MAML2: variants seen among roughly 807,000 people sequenced by gnomAD.
MAML2 encodes the protein mastermind-like protein 2.
MAML2 carries 22 observed loss-of-function variants against 96.1 expected under a neutral mutation model. The ratio of observed to expected loss-of-function variants is 0.23; its 90% CI spans 0.16 to 0.33. The LOEUF (loss-of-function observed/expected upper bound fraction) is 0.33, where lower values mean the gene tolerates loss of function less well. Ranked by LOEUF, MAML2 falls within the 10% of genes least tolerant of loss-of-function variation. The pLI is 1.00. For synonymous variants in MAML2, 561 were observed against 521.3 expected, an observed-to-expected ratio of 1.08 and a Z score of -1.04; for missense variants, 1,367 against 1,392.4, an observed-to-expected ratio of 0.98 and a Z score of 0.29.
At chr11:96,277,935 C>G (rs1473387337) in intron 1 of MAML2, among the ~76,000 whole-genome samples, 1 of 144,212 alleles carries the variant, frequency 6.9e-6, no homozygotes, top group Non-Finnish European at 1.5e-5. Flanking sequence ...TTTTTTTTTC[C>G]ATTCTCCAGG....
At chr11:96,035,643 C>A (rs184882125) in intron 2 of MAML2, among the ~76,000 whole-genome samples, 2 of 152,310 alleles carry the variant, frequency 1.3e-5, no homozygotes, top group African/African-American at 4.8e-5. Context: ...AGGAAGGAAG[C>A]ACAGAGACAG....
At chr11:96,035,800 A>G (rs1858702341) in intron 2 of MAML2, among the ~76,000 whole-genome samples, 1 of 152,234 alleles carries the variant, frequency 6.6e-6, no homozygotes, top group African/African-American at 2.4e-5. Context: ...AGTGCCTCAC[A>G]CACAGAGAGA....
At chr11:96,299,847 G>A (rs921432919) in intron 1 of MAML2, among the ~76,000 whole-genome samples, 16 of 152,078 alleles carry the variant, frequency 1.1e-4, no homozygotes, top group African/African-American at 1.7e-4. Context: ...CTGACTACCC[G>A]TACTGAAATC....
intron 1 of MAML2, among the ~76,000 whole-genome samples, chr11:96,338,006 C>T (rs1257512059): frequency 3.4e-4 from 52 of 152,302 alleles, no homozygotes; most frequent in Non-Finnish European, 1.5e-4. Context: ...TACTTTCTTT[C>T]CTCCACATGA....
chr11:96,320,804 G>C (rs148573991), intron 1 of MAML2, among the ~76,000 whole-genome samples: 1 of 152,260 alleles, frequency 6.6e-6, no homozygotes, highest in East Asian at 1.9e-4. Context: ...TACTTGAAAT[G>C]GAGAGAAATG....
chr11:96,035,440 T>C (rs906431343), intron 2 of MAML2, among the ~76,000 whole-genome samples: 2 of 152,220 alleles, frequency 1.3e-5, no homozygotes, highest in Non-Finnish European at 2.9e-5. Context: ...TCTGAGGATG[T>C]GGATTCTACG....
At chr11:96,077,307 G>C (rs1037225648) in intron 2 of MAML2, among the ~76,000 whole-genome samples, 9 of 137,444 alleles carry the variant, frequency 6.5e-5, no homozygotes, top group Non-Finnish European at 1.4e-4. Flanking sequence ...TGCAACCTCT[G>C]CCTTCTGGGT....
intron 2 of MAML2, among the ~76,000 whole-genome samples, chr11:96,089,152 C>T (rs1859665790): frequency 6.6e-6 from 1 of 152,078 alleles, no homozygotes; most frequent in Non-Finnish European, 1.5e-5. Context: ...CTACCCATGA[C>T]TTTGGTCATC....
intron 2 of MAML2, among the ~76,000 whole-genome samples, chr11:96,037,050 C>T (rs1590974259): frequency 6.6e-6 from 1 of 152,170 alleles, no homozygotes; most frequent in Admixed American, 6.5e-5. Context: ...GCACTGCCGT[C>T]GGGAGCCAAC....
chr11:96,202,913 C>G (rs1453171504), intron 1 of MAML2, among the ~76,000 whole-genome samples: 2 of 152,178 alleles, frequency 1.3e-5, no homozygotes, highest in Non-Finnish European at 2.9e-5. Flanking sequence ...CAGGTATGAG[C>G]CATCACGTCT....
At chr11:96,058,011 A>G (rs1859096324) in intron 2 of MAML2, among the ~76,000 whole-genome samples, 1 of 152,234 alleles carries the variant, frequency 6.6e-6, no homozygotes, top group South Asian at 2.1e-4. Flanking sequence ...AGGACCAGGA[A>G]TCAGAAAATT....
rs115686220 is a variant in MAML2, at chr11:95,999,390, T to C, written c.2140-7667A>G. On this transcript the variant is annotated intron_variant, in intron 2 of 4. Coordinates refer to ENST00000524717, the MANE Select transcript of MAML2 (RefSeq NM_032427.4). Reference sequence around the variant, plus strand: ...ATTGTAAGGACTCTGTCAGGCAGGATTGATTTCAGCAAAAGGTAGAATGGG... The same window carrying C: ...ATTGTAAGGACTCTGTCAGGCAGGACTGATTTCAGCAAAAGGTAGAATGGG... Among the ~76,000 whole-genome samples, 538 of 152,264 alleles carry C rather than the reference T, an allele frequency of 3.5e-3. 6 individuals carry two copies. The highest frequency in any genetic ancestry group is 0.011 in the African/African-American group (469 of 41,558).
At chr11:96,201,070 T>C (rs557118407) in intron 1 of MAML2, among the ~76,000 whole-genome samples, 1 of 152,328 alleles carries the variant, frequency 6.6e-6, no homozygotes, top group African/African-American at 2.4e-5. Context: ...TCTCATTTAC[T>C]TAGGCCACGA....
intron 1 of MAML2, among the ~76,000 whole-genome samples, chr11:96,109,513 C>T (rs1860083737): frequency 6.6e-6 from 1 of 152,160 alleles, no homozygotes; most frequent in South Asian, 2.1e-4. Flanking sequence ...AAGGTGGTAG[C>T]AGCAGACATG....
At chr11:96,283,275 G>T (rs1423997066) in intron 1 of MAML2, among the ~76,000 whole-genome samples, 1 of 152,116 alleles carries the variant, frequency 6.6e-6, no homozygotes, top group East Asian at 1.9e-4. Flanking sequence ...AGTTCTCCTT[G>T]TCTATTTTAA....
chr11:96,126,212 G>C (rs7123145), intron 1 of MAML2, among the ~76,000 whole-genome samples: 66,431 of 151,970 alleles, frequency 0.44, 15,028 homozygotes, highest in Middle Eastern at 0.62. Context: ...AGAAGATAAA[G>C]TATAGAAACA....
At chr11:96,000,509 G>A (rs1450372850) in intron 2 of MAML2, among the ~76,000 whole-genome samples, 1 of 152,134 alleles carries the variant, frequency 6.6e-6, no homozygotes, top group Non-Finnish European at 1.5e-5. Context: ...GCTGTACTTG[G>A]CTGTATTGGA....
chr11:96,185,493 C>T (rs149925902), intron 1 of MAML2, among the ~76,000 whole-genome samples: 1 of 152,284 alleles, frequency 6.6e-6, no homozygotes, highest in African/African-American at 2.4e-5. Context: ...AACAACTGCT[C>T]TCAAGGAAAT....
intron 1 of MAML2, among the ~76,000 whole-genome samples, chr11:96,165,271 A>G (rs1255331137): frequency 6.6e-6 from 1 of 152,178 alleles, no homozygotes; most frequent in Non-Finnish European, 1.5e-5. Flanking sequence ...AGGCTTGTTA[A>G]AACACAGAGT....
Sources: allele counts gnomAD v4.1 joint callset (sites outside exome capture counted in the v4.1 genomes callset), GRCh38; gene constraint gnomAD v4.1.1; transcripts MANE v1.5; gene names NCBI Gene and HGNC (gene_info 2026-07-23, HGNC 2026-07-21).